Variants in FBN2 observed in about 807,000 individuals in gnomAD.
FBN2 encodes the protein fibrillin-2.
A neutral mutation model predicts 355.6 loss-of-function variants in FBN2; 105 were observed. The ratio of observed to expected loss-of-function variants is 0.30; its 90% CI spans 0.25 to 0.35. The LOEUF (loss-of-function observed/expected upper bound fraction) is 0.35. Ranked by LOEUF, FBN2 falls within the 10% of genes least tolerant of loss-of-function variation. The pLI is 1.00. For missense variants in FBN2, 3,280 were observed against 3,758.7 expected (o/e 0.87, Z 3.33); for synonymous variants, 1,350 against 1,301.2 (o/e 1.04, Z -0.81).
At chr5:128,351,359 C>A (rs1464586163) in intron 20 of FBN2, among the ~76,000 whole-genome samples, 1 of 152,082 alleles carries the variant, frequency 6.6e-6, no homozygotes, top group Non-Finnish European at 1.5e-5. Context: ...CCAGCCTGGT[C>A]AACATGGTGA....
intron 16 of FBN2, among the ~76,000 whole-genome samples, chr5:128,368,437 C>CAGATATATACAT (rs1448467402): frequency 1.0e-5 from 1 of 97,728 alleles, no homozygotes; most frequent in Non-Finnish European, 2.1e-5. Context: ...TATATATACA[C>CAGATATATACAT]ATATATACAT....
At chr5:128,349,252 A>G (rs1751278854) in intron 23 of FBN2, 95 bp downstream of exon 23, 2 of 1,460,906 alleles carry the variant, frequency 1.4e-6, no homozygotes, top group African/African-American at 2.8e-5. Context: ...AGTTTTCTCA[A>G]GTACAAACTC....
intron 5 of FBN2, among the ~76,000 whole-genome samples, chr5:128,501,677 T>C (rs1319870284): frequency 6.6e-6 from 1 of 152,006 alleles, no homozygotes; most frequent in Non-Finnish European, 1.5e-5. Context: ...AAGGGCTAAA[T>C]AAAGTCTAAA....
At chr5:128,478,800 G>A (rs977205068) in intron 5 of FBN2, among the ~76,000 whole-genome samples, 4 of 152,112 alleles carry the variant, frequency 2.6e-5, no homozygotes, top group Middle Eastern at 3.2e-3. Context: ...AGACAGAATT[G>A]GGTGAAACTA....
At chr5:128,494,556 A>G (rs916438501) in intron 5 of FBN2, among the ~76,000 whole-genome samples, 20 of 152,182 alleles carry the variant, frequency 1.3e-4, no homozygotes, top group African/African-American at 4.8e-4. Context: ...AACAATTAAG[A>G]AATCAGTCAG....
chr5:128,520,514 G>A (rs1756402734), intron 4 of FBN2, among the ~76,000 whole-genome samples: 2 of 152,026 alleles, frequency 1.3e-5, no homozygotes, highest in African/African-American at 2.4e-5. Context: ...TTCAAGTGAG[G>A]TACATATCAT....
intron 11 of FBN2, among the ~76,000 whole-genome samples, chr5:128,390,772 A>C (rs532896693): frequency 6.6e-6 from 1 of 152,346 alleles, no homozygotes; most frequent in South Asian, 2.1e-4. Flanking sequence ...TTAATCTGGC[A>C]GACATTTTCT....
At chr5:128,307,025 A>G in intron 42 of FBN2, 110 bp downstream of exon 42, 5 of 763,730 alleles carry the variant, frequency 6.5e-6, no homozygotes, top group Non-Finnish European at 9.3e-6. Flanking sequence ...ATTAGATTGG[A>G]TCCCAGATTA....
rs372199882 is a variant in FBN2 at position 128,301,352 on chromosome 5, A to C, written c.6046+30T>G. 6.2e-6 allele frequency: 10 copies of C among 1,601,862 alleles called. No homozygotes were observed. The African/African-American group carries it at 1.2e-4, about 19-fold the overall frequency. On this transcript the variant is annotated intron_variant, in intron 47 of 64. Coordinates refer to ENST00000262464, the MANE Select transcript of FBN2 (RefSeq NM_001999.4). ...TCATCATTTTACAAAACATAACACC[A>C]CAAAGACTGCTTATTATTTAAATAC...
chr5:128,357,144 TA>T, intron 20 of FBN2, 131 bp downstream of exon 20: 2 of 1,152,580 alleles, frequency 1.7e-6, no homozygotes, highest in Admixed American at 1.9e-5. Context: ...TGATATTGAG[TA>T]AAAACAACTA....
At chr5:128,393,690 T>C (rs1408858378) in intron 9 of FBN2, among the ~76,000 whole-genome samples, 1 of 152,282 alleles carries the variant, frequency 6.6e-6, no homozygotes, top group African/African-American at 2.4e-5. Flanking sequence ...AATTTACTTG[T>C]ACAGATAAAA....
At position 128,537,386 on chromosome 5, in the gene FBN2, C is replaced by T. The variant is rs775317100; in HGVS notation, c.218G>A (p.Arg73His). 2.5e-6 allele frequency: 4 copies of T among 1,610,178 alleles called. No individual in the cohort carries two copies. Among genetic ancestry groups the T allele is most frequent in the African/African-American group, 1.3e-5 (1 of 74,910 alleles). The change falls in exon 1 of 65, where the codon CGC (arginine) becomes CAC (histidine). Residue 73 changes from arginine to histidine, a missense_variant. Around this residue, in one of 6 missense-constraint regions of FBN2, gnomAD observed 203 missense variants for 142.2 expected, o/e 1.43. Coordinates refer to ENST00000262464, the MANE Select transcript of FBN2 (RefSeq NM_001999.4). ...GTCCTGCTGTCCTCGCCGGCGGACGCGGCTGGCCACTGCGGCACCCTCCTC... is the reference window on the plus strand; with the variant it reads ...GTCCTGCTGTCCTCGCCGGCGGACGTGGCTGGCCACTGCGGCACCCTCCTC... ...YREEGAAVAS[R>H]VRRRGQQDVL...
chr5:128,514,383 T>C (rs1756222227), intron 5 of FBN2, among the ~76,000 whole-genome samples: 1 of 152,164 alleles, frequency 6.6e-6, no homozygotes. Flanking sequence ...CTCTCTTACT[T>C]TTTGTTCCTA....
In FBN2 at chr5:128,464,732, G is replaced by A. The variant is rs748691257; in HGVS notation, c.818C>T (p.Ala273Val). Residue 273 changes from alanine to valine, a missense_variant, in exon 6 of 65, where the codon GCT (alanine) becomes GTT (valine). This residue lies in a region of FBN2 where 343 missense variants were observed against 331.0 expected (regional missense o/e 1.04). Transcript: ENST00000262464. The part of the protein sequence containing the change: ...RGFIPNIRTG[A>V]CQDVDECQAI... ...GCAGACAGCTGACTCACCTTGGCAA[G>A]CTCCAGTGCGGATGTTGGGGATGAA... is the stretch of plus-strand genomic sequence containing the variant. The A allele has an allele frequency of 6.2e-7, 1 of 1,613,230 alleles. No individual in the cohort carries two copies. The highest frequency in any genetic ancestry group is 8.5e-7 in the Non-Finnish European group (1 of 1,179,890).
intron 15 of FBN2, among the ~76,000 whole-genome samples, chr5:128,370,643 T>C (rs547610961): frequency 1.2e-3 from 189 of 152,312 alleles, no homozygotes; most frequent in Admixed American, 2.2e-3. Flanking sequence ...AATATGATTT[T>C]TGTGAGTTCT....
chr5:128,382,801 C>T (rs1309502981), intron 11 of FBN2, among the ~76,000 whole-genome samples: 1 of 152,050 alleles, frequency 6.6e-6, no homozygotes, highest in African/African-American at 2.4e-5. Flanking sequence ...AGTTTTTCTG[C>T]AGTCCTACAT....
rs986009040 is a variant in FBN2 at position 128,537,863 on chromosome 5, C to A, written c.-260G>T. 1.6e-5 allele frequency: 9 copies of A among 572,992 alleles called. No individual in the cohort carries two copies. The highest frequency in any genetic ancestry group is 2.8e-5 in the Non-Finnish European group (9 of 321,242). 35.5% of individuals were successfully genotyped at this position (572,992 alleles called of 1,614,324 possible). A position where few individuals can be genotyped will look rare whatever the true frequency, so the allele number is the denominator to read the frequency against. The stretch of plus-strand genomic sequence containing the variant: ...CGGAGGTGCAGCCGGCAGCCCCGAG[C>A]GGTACACGTTGCATAACCGGCCTAA... On this transcript the variant is annotated 5_prime_UTR_variant, in exon 1 of 65. Coordinates refer to ENST00000262464, the MANE Select transcript of FBN2 (RefSeq NM_001999.4).
chr5:128,497,971 A>T (rs1474184594), intron 5 of FBN2, among the ~76,000 whole-genome samples: 1 of 152,174 alleles, frequency 6.6e-6, no homozygotes, highest in Non-Finnish European at 1.5e-5. Flanking sequence ...GAAAAGGAAA[A>T]GCAAAAGCAA....
At chr5:128,262,311 G>A (rs911051405) in intron 63 of FBN2, among the ~76,000 whole-genome samples, 3 of 151,940 alleles carry the variant, frequency 2.0e-5, no homozygotes, top group African/African-American at 4.8e-5. Context: ...CTCCTACCTC[G>A]GACTCCCAAA....
Sources: gnomAD v4.1 joint callset for allele counts (sites outside exome capture counted in the v4.1 genomes callset) on GRCh38, gnomAD v4.1.1 for gene constraint, gnomAD v4.1.1 regional missense constraint, MANE v1.5 for transcripts, NCBI Gene and HGNC (gene_info 2026-07-23, HGNC 2026-07-21) for gene names.